NAALADL2: variants seen among roughly 807,000 people sequenced by gnomAD.
NAALADL2 encodes the protein N-acetylated alpha-linked acidic dipeptidase like 2.
In NAALADL2, 76 loss-of-function variants were observed where a neutral mutation model predicts 87.2. That is an observed-to-expected ratio of 0.87 (90% confidence interval 0.72 to 1.05). The LOEUF (loss-of-function observed/expected upper bound fraction) is 1.05, where lower values mean the gene tolerates loss of function less well. Among genes scored for constraint, NAALADL2 ranks in the 50% least tolerant of loss-of-function variants. NAALADL2 has a pLI of 0.00. For synonymous variants in NAALADL2, 354 were observed against 331.0 expected (o/e 1.07, Z -0.75); for missense variants, 1,089 against 945.8 (o/e 1.15, Z -1.99).
chr3:175,005,778 ATACT>A (rs1309665177), intron 1 of NAALADL2, among the ~76,000 whole-genome samples: 1 of 152,290 alleles, frequency 6.6e-6, no homozygotes, highest in African/African-American at 2.4e-5. Flanking sequence ...CGGGGTGTAC[ATACT>A]TTGTTTTATT....
intron 1 of NAALADL2, among the ~76,000 whole-genome samples, chr3:174,976,527 T>G (rs112077300): frequency 0.024 from 3,721 of 152,334 alleles, 57 homozygotes; most frequent in Non-Finnish European, 0.037. Context: ...AAGCAGCTTC[T>G]TAAGCTGAAA....
intron 5 of NAALADL2, among the ~76,000 whole-genome samples, chr3:175,350,055 G>GAAA (rs138836041): frequency 0.019 from 2,725 of 142,398 alleles, 43 homozygotes; most frequent in Non-Finnish European, 0.028. Context: ...AGGCTTGATT[G>GAAA]AAAAAAAAAA....
chr3:174,832,145 T>G (rs1031587058), intron 3 of NAALADL2, among the ~76,000 whole-genome samples: 1 of 152,202 alleles, frequency 6.6e-6, no homozygotes, highest in Non-Finnish European at 1.5e-5. Context: ...TCTTGCCTTC[T>G]GCTAACTTTT....
intron 5 of NAALADL2, among the ~76,000 whole-genome samples, chr3:175,434,880 A>C (rs376524193): frequency 6.6e-5 from 10 of 152,162 alleles, no homozygotes; most frequent in African/African-American, 2.2e-4. Context: ...AGTAAAGAAC[A>C]AACTAGATAT....
At position 175,792,629 on chromosome 3, in the gene NAALADL2, T is replaced by G. The variant is rs184005507; in HGVS notation, c.2190-10376T>G. On this transcript the variant is annotated intron_variant, in intron 13 of 13. Transcript: ENST00000454872. ...AATTGTAAAAGAGAATGTCTATGTG[T>G]TTTTCATAACTACAGTAAGTAATCA... 6.1e-4 allele frequency among the ~76,000 whole-genome samples: 93 copies of G among 152,334 alleles called. 1 individual carries two copies. The highest frequency in any genetic ancestry group is 7.2e-4 in the Admixed American group (11 of 15,306).
chr3:174,757,090 A>G (rs553246931), intron 3 of NAALADL2, among the ~76,000 whole-genome samples: 1 of 152,118 alleles, frequency 6.6e-6, no homozygotes, highest in South Asian at 2.1e-4. Context: ...TAGACTCTAA[A>G]CTCCTTGAAT....
At chr3:175,206,966 A>C (rs1741031589) in intron 2 of NAALADL2, among the ~76,000 whole-genome samples, 1 of 152,174 alleles carries the variant, frequency 6.6e-6, no homozygotes, top group Admixed American at 6.5e-5. Flanking sequence ...GTGCATGCGA[A>C]TATGTCACAC....
At chr3:175,253,113 G>T (rs1749340903) in intron 3 of NAALADL2, among the ~76,000 whole-genome samples, 1 of 152,196 alleles carries the variant, frequency 6.6e-6, no homozygotes, top group Admixed American at 6.5e-5. Context: ...AGACAAAACA[G>T]CCTTAGGTTG....
upstream of NAALADL2, among the ~76,000 whole-genome samples, chr3:174,855,775 TAC>T (rs10576439): frequency 0.087 from 11,833 of 135,464 alleles, 555 homozygotes; most frequent in South Asian, 0.16. Context: ...AGGAGAGAAA[TAC>T]ACACACACAC....
chr3:174,805,013 A>T (rs1448501839), intron 3 of NAALADL2, among the ~76,000 whole-genome samples: 1 of 152,130 alleles, frequency 6.6e-6, no homozygotes, highest in Non-Finnish European at 1.5e-5. Context: ...TCCTTTTAAA[A>T]TGGGAATAAT....
intron 10 of NAALADL2, among the ~76,000 whole-genome samples, chr3:175,589,989 G>A (rs904007893): frequency 1.3e-5 from 2 of 151,932 alleles, no homozygotes; most frequent in African/African-American, 4.8e-5. Context: ...GAGGCAGGCG[G>A]GTCACGAGGT....
intron 10 of NAALADL2, among the ~76,000 whole-genome samples, chr3:175,593,274 C>T (rs967246264): frequency 1.3e-5 from 2 of 152,182 alleles, no homozygotes; most frequent in South Asian, 2.1e-4. Context: ...CCTTTTAACA[C>T]AAGTATTTTC....
chr3:175,458,491 AT>A (rs1444215106), intron 6 of NAALADL2, among the ~76,000 whole-genome samples: 1 of 22,370 alleles, frequency 4.5e-5, no homozygotes, highest in Non-Finnish European at 1.8e-4. Flanking sequence ...TTATATATAA[AT>A]ATATAAATTA....
intron 1 of NAALADL2, among the ~76,000 whole-genome samples, chr3:175,074,105 C>T (rs919441925): frequency 2.8e-4 from 42 of 151,980 alleles, no homozygotes; most frequent in Non-Finnish European, 5.9e-5. Context: ...AAGTGACTGG[C>T]AGCACATAGT....
At chr3:175,004,422 T>C (rs1748727078) in intron 1 of NAALADL2, among the ~76,000 whole-genome samples, 2 of 133,460 alleles carry the variant, frequency 1.5e-5, no homozygotes, top group Admixed American at 7.7e-5. Context: ...AACAGTATCA[T>C]AGGTAGAGAC....
At position 175,805,750 on chromosome 3, in the gene NAALADL2, G is replaced by A. The variant is rs1304303029; in HGVS notation, c.*2547G>A. The A allele has an allele frequency of 6.6e-6, 1 of 151,800 alleles. No homozygotes were observed. Among genetic ancestry groups the A allele is most frequent in the African/African-American group, 2.4e-5 (1 of 41,378 alleles). 9.4% of individuals were successfully genotyped at this position (151,800 alleles called of 1,614,324 possible). ...CATAGAATTGTGCCTAGGAAATAATGAATCATAAATATTCTCTGAAGAAAA... is the reference window on the plus strand; with the variant it reads ...CATAGAATTGTGCCTAGGAAATAATAAATCATAAATATTCTCTGAAGAAAA... On this transcript the variant is annotated 3_prime_UTR_variant, in exon 14 of 14. Coordinates refer to ENST00000454872, the MANE Select transcript of NAALADL2 (RefSeq NM_207015.3).
At chr3:175,256,984 G>A (rs1306932148) in intron 4 of NAALADL2, 1 of 151,926 alleles carries the variant, frequency 6.6e-6, no homozygotes, top group Non-Finnish European at 1.5e-5. Flanking sequence ...TGATTATTTT[G>A]TCAACTATAC....
chr3:174,890,814 A>C (rs1184831128), intron 1 of NAALADL2, among the ~76,000 whole-genome samples: 1 of 152,176 alleles, frequency 6.6e-6, no homozygotes, highest in African/African-American at 2.4e-5. Context: ...TTACTAAATA[A>C]ATATAAGATA....
chr3:175,716,337 TATATA>T (rs1261718267), intron 11 of NAALADL2, among the ~76,000 whole-genome samples: 3 of 147,210 alleles, frequency 2.0e-5, no homozygotes, highest in Non-Finnish European at 4.5e-5. Context: ...TATATATGTG[TATATA>T]ATATATATGT....
Sources: gnomAD v4.1 joint callset for allele counts (sites outside exome capture counted in the v4.1 genomes callset) on GRCh38, gnomAD v4.1.1 for gene constraint, MANE v1.5 for transcripts, NCBI Gene and HGNC (gene_info 2026-07-23, HGNC 2026-07-21) for gene names.